The following TMEM217B variants were observed in gnomAD, a reference collection of about 807,000 sequenced individuals.
The protein encoded by TMEM217B is transmembrane protein 217B, also known as putative transmembrane protein 217B.
the TMEM217B span, among the ~76,000 whole-genome samples, chr6:37,241,601 T>C: frequency 1.3e-5 from 2 of 152,210 alleles, no homozygotes; most frequent in African/African-American, 4.8e-5. Flanking sequence ...ACAGGTTTTC[T>C]GTTCCAGGTT....
the TMEM217B span, among the ~76,000 whole-genome samples, chr6:37,240,706 T>C: frequency 1.3e-5 from 2 of 152,198 alleles, no homozygotes. Context: ...TGTATACATG[T>C]ATGTGTGTGT....
At chr6:37,215,105 C>A in the TMEM217B span, 1 of 1,527,566 alleles carries the variant, frequency 6.5e-7, no homozygotes. Flanking sequence ...CCACCCTCGG[C>A]ACCTCTCTCT....
At chr6:37,231,743 ATATAT>A in the TMEM217B span, among the ~76,000 whole-genome samples, 16 of 147,466 alleles carry the variant, frequency 1.1e-4, no homozygotes, top group African/African-American at 3.9e-4. Flanking sequence ...TATATATTAT[ATATAT>A]TATGTTATTA....
chr6:37,240,061 G>A, the TMEM217B span, among the ~76,000 whole-genome samples: 3 of 152,150 alleles, frequency 2.0e-5, no homozygotes, highest in Admixed American at 2.0e-4. Flanking sequence ...CTAAGAAGAG[G>A]CGAGACAGAA....
At chr6:37,247,066 T>A in the TMEM217B span, among the ~76,000 whole-genome samples, 2 of 152,170 alleles carry the variant, frequency 1.3e-5, no homozygotes, top group Non-Finnish European at 2.9e-5. Context: ...GATCTGGTCA[T>A]GTCATGTCCC....
At chr6:37,212,355 G>C in the TMEM217B span, 1 of 367,336 alleles carries the variant, frequency 2.7e-6, no homozygotes, top group Non-Finnish European at 5.4e-6. Context: ...GGCAGGGTAG[G>C]GAGGGTTCCA....
chr6:37,213,335 C>T, the TMEM217B span, among the ~76,000 whole-genome samples: 1 of 152,312 alleles, frequency 6.6e-6, no homozygotes, highest in African/African-American at 2.4e-5. Flanking sequence ...TTGAGGATAA[C>T]GATGGTATGA....
chr6:37,229,184 C>A, the TMEM217B span, among the ~76,000 whole-genome samples: 1 of 151,626 alleles, frequency 6.6e-6, no homozygotes, highest in East Asian at 1.9e-4. Flanking sequence ...TGCATTCAGG[C>A]ACCCAGATAA....
At chr6:37,252,020 A>G in the TMEM217B span, among the ~76,000 whole-genome samples, 44 of 152,172 alleles carry the variant, frequency 2.9e-4, 1 homozygote, top group East Asian at 7.9e-3. Context: ...CAGCCTCCCG[A>G]GTAGCTGGGA....
the TMEM217B span, chr6:37,257,807 G>T: frequency 8.2e-7 from 1 of 1,216,674 alleles, no homozygotes; most frequent in Non-Finnish European, 1.2e-6. Context: ...CTGGGAGCGG[G>T]TGACCGGCGG....
At chr6:37,221,190 CT>C in the TMEM217B span, among the ~76,000 whole-genome samples, 910 of 143,318 alleles carry the variant, frequency 6.3e-3, 3 homozygotes, top group African/African-American at 0.017. Flanking sequence ...TAAGTGGAGT[CT>C]TTTTTTTTTT....
chr6:37,258,068 A>G, the TMEM217B span: 25 of 1,410,054 alleles, frequency 1.8e-5, no homozygotes, highest in Non-Finnish European at 2.4e-5. Context: ...CACAGAGGCC[A>G]GAAGACTGGT....
chr6:37,217,693 A>G, the TMEM217B span: 1 of 985,322 alleles, frequency 1.0e-6, no homozygotes, highest in Non-Finnish European at 1.2e-6. Flanking sequence ...AACAGAAGAC[A>G]CAGTGGGGAA....
At chr6:37,254,016 T>C in the TMEM217B span, among the ~76,000 whole-genome samples, 12 of 152,322 alleles carry the variant, frequency 7.9e-5, no homozygotes, top group African/African-American at 2.2e-4. Context: ...AAGTAAAAAC[T>C]TGCAGAAGCC....
At chr6:37,240,161 T>C in the TMEM217B span, among the ~76,000 whole-genome samples, 1 of 152,188 alleles carries the variant, frequency 6.6e-6, no homozygotes, top group Non-Finnish European at 1.5e-5. Flanking sequence ...TGTAACAAAT[T>C]ACCTCAAACC....
the TMEM217B span, among the ~76,000 whole-genome samples, chr6:37,251,007 A>G: frequency 2.6e-5 from 4 of 152,214 alleles, no homozygotes; most frequent in African/African-American, 9.6e-5. Context: ...AGGGGCTCCA[A>G]AGAGCTGCCT....
At chr6:37,229,098 C>A in the TMEM217B span, among the ~76,000 whole-genome samples, 1 of 152,006 alleles carries the variant, frequency 6.6e-6, no homozygotes, top group South Asian at 2.1e-4. Flanking sequence ...TCATAACAAT[C>A]TTGAGGATAG....
chr6:37,218,588 T>C, the TMEM217B span: 1 of 1,614,240 alleles, frequency 6.2e-7, no homozygotes. Flanking sequence ...GTGGGCATAG[T>C]TGATGACAAA....
the TMEM217B span, among the ~76,000 whole-genome samples, chr6:37,219,637 T>C: frequency 9.2e-5 from 14 of 151,848 alleles, no homozygotes; most frequent in African/African-American, 3.1e-4. Flanking sequence ...GAGGCTGAAG[T>C]AGGAGGATCA....
Sources: allele counts gnomAD v4.1 joint callset (sites outside exome capture counted in the v4.1 genomes callset), GRCh38; gene constraint gnomAD v4.1.1; transcripts MANE v1.5; gene names NCBI Gene and HGNC (gene_info 2026-07-23, HGNC 2026-07-21).